Variants in RBP4 observed in about 807,000 individuals in gnomAD.
The protein encoded by RBP4 is retinol-binding protein 4.
In RBP4, 9 loss-of-function variants were observed where a neutral mutation model predicts 26.2. The observed-to-expected ratio is 0.34, with a 90% confidence interval of 0.21 to 0.60. The LOEUF is 0.60. Ranked by LOEUF, RBP4 falls within the 20% of genes least tolerant of loss-of-function variation. RBP4 has a pLI of 0.80. For missense variants in RBP4, 244 were observed against 271.3 expected, an observed-to-expected ratio of 0.90 and a Z score of 0.71; for synonymous variants, 114 against 111.0, an observed-to-expected ratio of 1.03 and a Z score of -0.17.
intron 4 of RBP4, among the ~76,000 whole-genome samples, chr10:93,598,235 T>C (rs1049708270): frequency 2.0e-5 from 3 of 152,224 alleles, no homozygotes; most frequent in African/African-American, 4.8e-5. Context: ...GCAGCCATCA[T>C]ATCAAACACT....
upstream of RBP4, chr10:93,601,301 C>T (rs1367863773): frequency 4.1e-6 from 5 of 1,215,000 alleles, no homozygotes; most frequent in East Asian, 3.6e-5. Context: ...TTCGTAACCG[C>T]GCGGGGTGAA....
At chr10:93,601,619 C>T, upstream of RBP4, 3 of 764,928 alleles carry the variant, frequency 3.9e-6, no homozygotes, top group Non-Finnish European at 7.3e-6. Flanking sequence ...ACCCGCGAGG[C>T]TCCCTGGTGC....
chr10:93,596,687 G>A (rs2058305206), intron 4 of RBP4, among the ~76,000 whole-genome samples: 1 of 152,190 alleles, frequency 6.6e-6, no homozygotes, highest in Non-Finnish European at 1.5e-5. Context: ...TACACAGACT[G>A]GTTTAGCGGT....
chr10:93,593,231 T>G (rs2058278494), intron 5 of RBP4, among the ~76,000 whole-genome samples: 1 of 152,210 alleles, frequency 6.6e-6, no homozygotes, highest in Non-Finnish European at 1.5e-5. Flanking sequence ...TGCACAATGT[T>G]CCTGGCTTTA....
At chr10:93,601,469 C>T (rs1299466932), upstream of RBP4, 80 of 946,706 alleles carry the variant, frequency 8.5e-5, no homozygotes, top group East Asian at 2.9e-5. Context: ...CCAAATGCGC[C>T]AGCGGCCCTG....
intron 4 of RBP4, among the ~76,000 whole-genome samples, chr10:93,597,160 G>A (rs982911735): frequency 6.6e-6 from 1 of 152,174 alleles, no homozygotes; most frequent in Non-Finnish European, 1.5e-5. Context: ...GTCCAGAAAT[G>A]TGCATTTGTT....
intron 5 of RBP4, 44 bp downstream of exon 5, chr10:93,593,779 C>A (rs759658493): frequency 6.3e-7 from 1 of 1,599,488 alleles, no homozygotes; most frequent in Admixed American, 1.7e-5. Flanking sequence ...TCCAAACCCA[C>A]TGCCCTGCAG....
Position 93,591,854 on chromosome 10 carries a change from T to A in RBP4, c.*221A>T, listed in dbSNP as rs1447136884. The A allele has an allele frequency of 1.0e-5, 6 of 579,438 alleles. No homozygotes were observed. Among genetic ancestry groups the A allele is most frequent in the Admixed American group, 6.0e-5 (2 of 33,252 alleles). The allele number at this position is 579,438 out of a possible 1,614,324, so 35.9% of individuals were successfully genotyped here. ...ACTAAAATCACAGGACACGGGTGAC[T>A]ATAGTTTAATGAATCAGAGTCTGGA... On this transcript the variant is annotated 3_prime_UTR_variant, in exon 6 of 6. Transcript: ENST00000371464.
Position 93,598,784 on chromosome 10 carries a change from T to C in RBP4, c.355+1609A>G, listed in dbSNP as rs76952744. Reference sequence around the variant, plus strand: ...ACATCTCAAAATGCTATAGAACATATGTGTTTCCTCTTTCTAAAAATTAAT... The same window carrying C: ...ACATCTCAAAATGCTATAGAACATACGTGTTTCCTCTTTCTAAAAATTAAT... On this transcript the variant is annotated intron_variant, in intron 4 of 5. Coordinates refer to ENST00000371464, the MANE Select transcript of RBP4 (RefSeq NM_006744.4). Among the ~76,000 whole-genome samples the C allele has an allele frequency of 5.1e-3, 776 of 152,366 alleles. 5 individuals carry two copies. Among genetic ancestry groups the C allele is most frequent in the African/African-American group, 0.018 (741 of 41,588 alleles).
In RBP4 at chr10:93,592,940, C is replaced by T. The variant is rs962547578; in HGVS notation, c.569-828G>A. 2.0e-5 allele frequency among the ~76,000 whole-genome samples: 3 copies of T among 152,304 alleles called. No individual in the cohort carries two copies. In the East Asian group the frequency reaches 5.8e-4, roughly 29 times the overall value. On this transcript the variant is annotated intron_variant, in intron 5 of 5. Transcript: ENST00000371464. ...TCAAGTAATTCTCCTGCCTCAACCT[C>T]GTGAGCAGCTGGGATTACAGGCGCA...
intron 4 of RBP4, among the ~76,000 whole-genome samples, chr10:93,594,970 T>C (rs1438439578): frequency 6.6e-6 from 1 of 152,004 alleles, no homozygotes; most frequent in Non-Finnish European, 1.5e-5. Flanking sequence ...TGAGACCTGG[T>C]ATCTATGAAA....
rs1434483097 is a variant in RBP4 at position 93,601,227 on chromosome 10, G to T, written c.-75C>A. On this transcript the variant is annotated 5_prime_UTR_variant, in exon 1 of 6. Coordinates refer to ENST00000371464, the MANE Select transcript of RBP4 (RefSeq NM_006744.4). ...CGCCGAGTCCGGGCGCGCGTGGAGC[G>T]AGGGAGGCGAGCGCGCCGCGGCCGC... The T allele has an allele frequency of 4.8e-6, 6 of 1,247,734 alleles. No individual in the cohort carries two copies. The highest frequency in any genetic ancestry group is 5.0e-6 in the Non-Finnish European group (5 of 1,001,220). 77.3% of individuals were successfully genotyped at this position (1,247,734 alleles called of 1,614,324 possible). A position where few individuals can be genotyped will look rare whatever the true frequency, so the allele number is the denominator to read the frequency against.
At chr10:93,592,214 C>T (rs1554886725) in intron 5 of RBP4, 102 bp from the exon 6 acceptor site, 6 of 996,658 alleles carry the variant, frequency 6.0e-6, no homozygotes, top group South Asian at 2.6e-5. Context: ...CATTCAAATG[C>T]TTCTTAATTC....
Position 93,591,791 on chromosome 10 carries a change from CCCAT to C in RBP4, c.*280_*283del. The C allele has an allele frequency of 4.6e-6, 2 of 432,358 alleles. No homozygotes were observed. Among genetic ancestry groups the C allele is most frequent in the South Asian group, 5.5e-5 (2 of 36,672 alleles). 26.8% of individuals were successfully genotyped at this position (432,358 alleles called of 1,614,324 possible). On this transcript the variant is annotated 3_prime_UTR_variant, in exon 6 of 6. Transcript: ENST00000371464. ...TCCTGGTATAAAGAAGCGCACCCCA[CCCAT>C]CCGTCTGCAGCACAGACATAAACAC...
At position 93,593,980 on chromosome 10, in the gene RBP4, G is replaced by A; in HGVS notation, c.411C>T (p.Ser137=). The A allele has an allele frequency of 6.2e-7, 1 of 1,614,004 alleles. No individual in the cohort carries two copies. Among genetic ancestry groups the A allele is most frequent in the Non-Finnish European group, 8.5e-7 (1 of 1,180,040 alleles). The change falls in exon 5 of 6, where the codon TCC becomes TCT. Residue 137 remains serine, a synonymous_variant. Coordinates refer to ENST00000371464, the MANE Select transcript of RBP4 (RefSeq NM_006744.4). The part of the protein sequence containing the change: ...TDYDTYAVQY[S]CRLLNLDGTC... Reference sequence around the variant, plus strand: ...TGCCATCGAGGTTCAGGAGGCGGCAGGAGTACTGCACGGCATACGTGTCGT... The same window carrying A: ...TGCCATCGAGGTTCAGGAGGCGGCAAGAGTACTGCACGGCATACGTGTCGT...
intron 5 of RBP4, among the ~76,000 whole-genome samples, chr10:93,592,886 C>T (rs2058276706): frequency 6.6e-6 from 1 of 152,118 alleles, no homozygotes; most frequent in Admixed American, 6.6e-5. Flanking sequence ...GGTGCAACCT[C>T]AACTCACTGC....
chr10:93,593,786 G>A lies in RBP4; in HGVS notation c.568+37C>T, dbSNP rs374532803. On this transcript the variant is annotated intron_variant, in intron 5 of 5. Transcript: ENST00000371464. ...CCCCTTAGTCCAAACCCACTGCCCT[G>A]CAGGAAGAGCCAGAAGGCACCCTGC... 2.2e-5 allele frequency: 36 copies of A among 1,604,198 alleles called. No homozygotes were observed. In the African/African-American group the frequency reaches 4.0e-4, roughly 18 times the overall value.
Position 93,600,986 on chromosome 10 carries a change from T to A in RBP4, c.43A>T (p.Ser15Cys). Residue 15 changes from serine (S) to cysteine (C), a missense_variant, in exon 2 of 6, where the codon AGC becomes TGC. Physicochemically the swap from Ser to Cys is moderately radical, Grantham distance 112. Transcript: ENST00000371464. ...CGGCAGTCGCGCTCCGCGCGGCCGC[T>A]GCCCAGCGCCGCCAACAGCAAGAGC... ...WALLLLAALGSGRAERDCRVS... is the reference protein window; with the variant it reads ...WALLLLAALGCGRAERDCRVS... 6.2e-7 allele frequency: 1 copy of A among 1,612,260 alleles called. No individual in the cohort carries two copies. Among genetic ancestry groups the A allele is most frequent in the Non-Finnish European group, 8.5e-7 (1 of 1,179,724 alleles).
chr10:93,594,230 T>C (rs1159357557), intron 4 of RBP4, among the ~76,000 whole-genome samples, 195 bp from the exon 5 acceptor site: 1 of 152,206 alleles, frequency 6.6e-6, no homozygotes, highest in African/African-American at 2.4e-5. Context: ...TGTTCTCCTT[T>C]ATTGAAAAAA....
Sources: allele counts gnomAD v4.1 joint callset (sites outside exome capture counted in the v4.1 genomes callset), GRCh38; gene constraint gnomAD v4.1.1; transcripts MANE v1.5; gene names NCBI Gene and HGNC (gene_info 2026-07-23, HGNC 2026-07-21).